The following IL1RAPL1 variants were observed in gnomAD, a reference collection of about 807,000 sequenced individuals.
The protein encoded by IL1RAPL1 is interleukin 1 receptor accessory protein like 1, also known as interleukin-1 receptor accessory protein-like 1.
In IL1RAPL1, 3 loss-of-function variants were observed where a neutral mutation model predicts 48.4. The ratio of observed to expected loss-of-function variants is 0.06; its 90% CI spans 0.03 to 0.16. The LOEUF is 0.16. Ranked by LOEUF, IL1RAPL1 falls within the 10% of genes least tolerant of loss-of-function variation. The pLI, the probability that IL1RAPL1 is intolerant of heterozygous loss-of-function variation, is 1.00. For synonymous variants in IL1RAPL1, 185 were observed against 187.7 expected (o/e 0.99, Z 0.12); for missense variants, 349 against 530.6 (o/e 0.66, Z 3.36).
intron 3 of IL1RAPL1, among the ~76,000 whole-genome samples, chrX:29,371,869 CTT>C (rs1416609866): frequency 8.9e-6 from 1 of 111,994 alleles, no homozygotes; most frequent in African/African-American, 3.2e-5. Flanking sequence ...GATTCCATGT[CTT>C]TGCTATTGTG....
chrX:29,885,098 G>A (rs762923691), intron 6 of IL1RAPL1, among the ~76,000 whole-genome samples: 1 of 111,128 alleles, frequency 9.0e-6, no homozygotes, highest in Non-Finnish European at 1.9e-5. Flanking sequence ...CAGCCCCACT[G>A]GCCTTCTTGC....
chrX:28,855,081 G>A (rs1227645084), intron 2 of IL1RAPL1, among the ~76,000 whole-genome samples: 2 of 111,551 alleles, frequency 1.8e-5, no homozygotes, highest in African/African-American at 3.3e-5. Flanking sequence ...GTGCAGTGGC[G>A]CGATCTCAGC....
chrX:29,245,007 T>A (rs942988216), intron 2 of IL1RAPL1, among the ~76,000 whole-genome samples: 3 of 108,788 alleles, frequency 2.8e-5, no homozygotes, highest in African/African-American at 1.0e-4. Flanking sequence ...CTCCCACTTA[T>A]GAGTGAGAAC....
At chrX:29,357,104 T>A (rs892062889) in intron 3 of IL1RAPL1, among the ~76,000 whole-genome samples, 8 of 112,359 alleles carry the variant, frequency 7.1e-5, no homozygotes, top group Non-Finnish European at 1.1e-4. Context: ...AATAATAAAC[T>A]TATTTCCTTA....
rs202048952 is a variant in IL1RAPL1 at position 28,840,630 on chromosome X, AT to A, written c.82+51208del. 9.8e-3 allele frequency among the ~76,000 whole-genome samples: 1,089 copies of A among 111,413 alleles called. 8 individuals carry two copies. The highest frequency in any genetic ancestry group is 0.037 in the Middle Eastern group (8 of 216). Reference sequence around the variant, plus strand: ...TTAAATATTTTTTGTGGATAAAAGTATTTAAACTAAATTTAACTTAATAATA... The same window carrying A: ...TTAAATATTTTTTGTGGATAAAAGTATTAAACTAAATTTAACTTAATAATA... On this transcript the variant is annotated intron_variant, in intron 2 of 10. Transcript: ENST00000378993.
chrX:28,945,063 G>A (rs1461568335), intron 2 of IL1RAPL1, among the ~76,000 whole-genome samples: 2 of 111,047 alleles, frequency 1.8e-5, no homozygotes, highest in African/African-American at 3.3e-5. Flanking sequence ...ACCATCTCAC[G>A]CCAGTCAGAA....
At chrX:29,616,048 A>G (rs1245074029) in intron 5 of IL1RAPL1, among the ~76,000 whole-genome samples, 1 of 111,868 alleles carries the variant, frequency 8.9e-6, no homozygotes, top group Non-Finnish European at 1.9e-5. Flanking sequence ...AGATCATCAT[A>G]TTCTAGAAAT....
At chrX:28,851,863 T>C (rs1188059369) in intron 2 of IL1RAPL1, among the ~76,000 whole-genome samples, 1 of 112,451 alleles carries the variant, frequency 8.9e-6, no homozygotes, top group Non-Finnish European at 1.9e-5. Flanking sequence ...ATGTATTTGC[T>C]TGATTTCTCA....
At chrX:29,127,116 C>A (rs1048634820) in intron 2 of IL1RAPL1, among the ~76,000 whole-genome samples, 3 of 111,002 alleles carry the variant, frequency 2.7e-5, no homozygotes, top group Admixed American at 9.7e-5. Context: ...TTTATAACAA[C>A]CTGCTGTTGG....
At chrX:28,603,817 G>T (rs1238617675) in intron 1 of IL1RAPL1, among the ~76,000 whole-genome samples, 3 of 112,537 alleles carry the variant, frequency 2.7e-5, no homozygotes, top group South Asian at 3.7e-4. Flanking sequence ...GCATTGTAAA[G>T]GTGTTGTTCA....
chrX:29,839,688 A>G (rs1931093642), intron 6 of IL1RAPL1, among the ~76,000 whole-genome samples: 1 of 112,282 alleles, frequency 8.9e-6, no homozygotes, highest in African/African-American at 3.2e-5. Context: ...GCACTTTGGG[A>G]GAGGATCACT....
At position 29,919,545 on chromosome X, in the gene IL1RAPL1, ATTTTC is replaced by A. The variant is rs753387739; in HGVS notation, c.912-394_912-390del. On this transcript the variant is annotated intron_variant, in intron 7 of 10. Coordinates refer to ENST00000378993, the MANE Select transcript of IL1RAPL1 (RefSeq NM_014271.4). Reference sequence around the variant, plus strand: ...ACTGAAATGTCAAAATAGCTCAGAAATTTTCTTTTCTTTTTTAAAAAATTAACCTG... The same window carrying A: ...ACTGAAATGTCAAAATAGCTCAGAAATTTTCTTTTTTAAAAAATTAACCTG... 4.4e-5 allele frequency among the ~76,000 whole-genome samples: 5 copies of A among 112,442 alleles called. No individual in the cohort carries two copies. In the East Asian group the frequency reaches 8.4e-4, roughly 19 times the overall value.
chrX:28,744,474 C>T (rs1342416376), intron 1 of IL1RAPL1, among the ~76,000 whole-genome samples: 3 of 111,522 alleles, frequency 2.7e-5, no homozygotes, highest in African/African-American at 9.8e-5. Flanking sequence ...ACATTCCTGT[C>T]AAAGCATATG....
intron 5 of IL1RAPL1, among the ~76,000 whole-genome samples, chrX:29,577,286 GA>G (rs1253110895): frequency 8.1e-5 from 9 of 111,033 alleles, no homozygotes; most frequent in Admixed American, 4.8e-4. Context: ...TAGATGTTAT[GA>G]AAAAAAAGTA....
At chrX:29,849,904 T>C (rs1246846493) in intron 6 of IL1RAPL1, among the ~76,000 whole-genome samples, 1 of 111,992 alleles carries the variant, frequency 8.9e-6, no homozygotes, top group Non-Finnish European at 1.9e-5. Context: ...GACCTCAACA[T>C]GACAGAATTG....
intron 2 of IL1RAPL1, among the ~76,000 whole-genome samples, chrX:29,270,757 T>C (rs375151861): frequency 8.9e-6 from 1 of 112,305 alleles, no homozygotes; most frequent in South Asian, 3.6e-4. Context: ...ATTTTGAATA[T>C]AGCAGGTACT....
chrX:29,179,114 T>A (rs1363649437), intron 2 of IL1RAPL1, among the ~76,000 whole-genome samples: 2 of 111,027 alleles, frequency 1.8e-5, no homozygotes, highest in Admixed American at 9.6e-5. Flanking sequence ...TTAAAGTAGT[T>A]TTTTCCAATT....
intron 6 of IL1RAPL1, among the ~76,000 whole-genome samples, chrX:29,834,492 ATTTTTTTTTT>A (rs34399580): frequency 3.6e-4 from 26 of 72,762 alleles, no homozygotes; most frequent in African/African-American, 1.1e-3. Flanking sequence ...AAGAAAAAGG[ATTTTTTTTTT>A]TTTTTTTTTT....
intron 3 of IL1RAPL1, among the ~76,000 whole-genome samples, chrX:29,342,643 T>G (rs1169323662): frequency 1.8e-5 from 2 of 112,199 alleles, no homozygotes; most frequent in African/African-American, 6.5e-5. Flanking sequence ...CAGAGGACCC[T>G]GTAGAAAAAG....
Sources: gnomAD v4.1 joint callset for allele counts (sites outside exome capture counted in the v4.1 genomes callset) on GRCh38, gnomAD v4.1.1 for gene constraint, MANE v1.5 for transcripts, NCBI Gene and HGNC (gene_info 2026-07-23, HGNC 2026-07-21) for gene names.